FUT8: variants seen among roughly 807,000 people sequenced by gnomAD.
FUT8 encodes the protein fucosyltransferase 8, also known as alpha-(1,6)-fucosyltransferase.
FUT8 carries 29 observed loss-of-function variants against 71.3 expected under a neutral mutation model. The observed-to-expected ratio is 0.41, with a 90% CI of 0.30 to 0.55. The LOEUF is 0.55. Among genes scored for constraint, FUT8 ranks in the 20% least tolerant of loss-of-function variants. The pLI is 0.34. For synonymous variants in FUT8, 254 were observed against 239.3 expected, an observed-to-expected ratio of 1.06 and a Z score of -0.57; for missense variants, 544 against 702.1, an observed-to-expected ratio of 0.77 and a Z score of 2.55.
intron 7 of FUT8, among the ~76,000 whole-genome samples, chr14:65,697,776 G>A (rs1248376692): frequency 6.6e-6 from 1 of 152,082 alleles, no homozygotes; most frequent in Non-Finnish European, 1.5e-5. Context: ...GAATTCGAGA[G>A]CATCCTGGCT....
At chr14:65,403,812 T>C in the FUT8 span, among the ~76,000 whole-genome samples, 1 of 152,064 alleles carries the variant, frequency 6.6e-6, no homozygotes, top group East Asian at 1.9e-4. Context: ...GATTGTCTAT[T>C]TTTGGATTTT....
chr14:65,640,149 A>G (rs978332061), intron 6 of FUT8, among the ~76,000 whole-genome samples: 3 of 152,110 alleles, frequency 2.0e-5, no homozygotes, highest in Admixed American at 6.5e-5. Context: ...CAATAAAGAA[A>G]TAAATACAAG....
rs75540562 is a variant in FUT8 at position 65,463,303 on chromosome 14, A to G, written c.-228+7585A>G. ...TTTTTTTGAGACAGGGCCTCACTCT[A>G]TTGCCCAGGCTGGAGTGCACTGGCG... On this transcript the variant is annotated intron_variant, in intron 2 of 10. Transcript: ENST00000673929. Among the ~76,000 whole-genome samples the G allele has an allele frequency of 5.3e-3, 814 of 152,194 alleles. 7 individuals carry two copies. The highest frequency in any genetic ancestry group is 0.018 in the African/African-American group (751 of 41,512).
chr14:65,380,938 A>G, the FUT8 span, among the ~76,000 whole-genome samples: 1 of 152,216 alleles, frequency 6.6e-6, no homozygotes, highest in African/African-American at 2.4e-5. Context: ...CAAAGATAAT[A>G]ATAGGAGGGT....
chr14:65,656,823 A>T (rs141912741), intron 6 of FUT8, among the ~76,000 whole-genome samples: 2 of 152,332 alleles, frequency 1.3e-5, no homozygotes, highest in East Asian at 3.9e-4. Flanking sequence ...AGACCAATGG[A>T]ACAGGTGGAG....
chr14:65,417,893 A>G lies in FUT8; in HGVS notation c.-326+4679A>G, dbSNP rs117666324. On this transcript the variant is annotated intron_variant, in intron 1 of 10. Coordinates refer to ENST00000673929, the MANE Select transcript of FUT8 (RefSeq NM_001371533.1). ...CTCACTGTATTTGTTGTATTTTATA[A>G]CTTGGGTTTTTAAAATTTATTTTTC... 2.1e-4 allele frequency among the ~76,000 whole-genome samples: 32 copies of G among 152,300 alleles called. 1 individual carries two copies. The East Asian group carries it at 6.2e-3, about 29-fold the overall frequency.
At chr14:65,656,909 A>G (rs1442769867) in intron 6 of FUT8, among the ~76,000 whole-genome samples, 3 of 152,202 alleles carry the variant, frequency 2.0e-5, no homozygotes, top group African/African-American at 7.2e-5. Flanking sequence ...GGGAAAGGAA[A>G]GTCTCTTCAA....
chr14:65,691,580 G>A (rs1468317462), intron 7 of FUT8, among the ~76,000 whole-genome samples: 2 of 152,042 alleles, frequency 1.3e-5, no homozygotes, highest in African/African-American at 4.8e-5. Context: ...AATTCCAATT[G>A]GTCATAGTGT....
intron 6 of FUT8, among the ~76,000 whole-genome samples, chr14:65,630,657 AC>A (rs889063423): frequency 2.0e-5 from 3 of 152,166 alleles, no homozygotes; most frequent in Non-Finnish European, 2.9e-5. Flanking sequence ...AAGTGAAGAG[AC>A]AAATTTGAGA....
chr14:65,497,838 T>G (rs1294619757), intron 2 of FUT8, among the ~76,000 whole-genome samples: 1 of 152,114 alleles, frequency 6.6e-6, no homozygotes, highest in Non-Finnish European at 1.5e-5. Flanking sequence ...TATGTCATAT[T>G]TTACTCAGTT....
chr14:65,475,451 G>A (rs1415351940), intron 2 of FUT8, among the ~76,000 whole-genome samples: 1 of 152,070 alleles, frequency 6.6e-6, no homozygotes, highest in Non-Finnish European at 1.5e-5. Flanking sequence ...CTTAGTTGCT[G>A]CATAACATTA....
the FUT8 span, among the ~76,000 whole-genome samples, chr14:65,395,801 A>C: frequency 2.6e-5 from 4 of 152,382 alleles, no homozygotes; most frequent in East Asian, 7.7e-4. Flanking sequence ...TCTCCCCAGA[A>C]AATGGGTTTT....
chr14:65,484,008 T>C (rs2066371469), intron 2 of FUT8, among the ~76,000 whole-genome samples: 1 of 152,232 alleles, frequency 6.6e-6, no homozygotes, highest in Non-Finnish European at 1.5e-5. Flanking sequence ...ATTAAAGGCG[T>C]GAGCCACCAC....
chr14:65,648,862 T>C (rs1407226492), intron 6 of FUT8, among the ~76,000 whole-genome samples: 3 of 152,202 alleles, frequency 2.0e-5, no homozygotes, highest in Admixed American at 6.5e-5. Flanking sequence ...GCTATTATGG[T>C]CATGCTATCA....
Position 65,652,621 on chromosome 14 carries a change from G to A in FUT8, c.598-16622G>A, listed in dbSNP as rs1158007740. Among the ~76,000 whole-genome samples the A allele has an allele frequency of 3.3e-5, 5 of 152,038 alleles. No homozygotes were observed. The highest frequency in any genetic ancestry group is 1.9e-4 in the East Asian group (1 of 5,180). On this transcript the variant is annotated intron_variant, in intron 6 of 10. Coordinates refer to ENST00000673929, the MANE Select transcript of FUT8 (RefSeq NM_001371533.1). The surrounding 1 kb of genome is among the most constrained non-coding windows in gnomAD (Gnocchi z 4.0). Reference sequence around the variant, plus strand: ...CTGATTTTCTTATTAGGTAAACAACGTGTTCTTAGTGCTTAAGCACTTTTT... The same window carrying A: ...CTGATTTTCTTATTAGGTAAACAACATGTTCTTAGTGCTTAAGCACTTTTT...
chr14:65,661,946 A>G (rs945497834), intron 6 of FUT8, among the ~76,000 whole-genome samples: 1 of 152,194 alleles, frequency 6.6e-6, no homozygotes, highest in Non-Finnish European at 1.5e-5. Flanking sequence ...ATTTATTTCT[A>G]AGGACTGCTG....
At chr14:65,494,426 A>T (rs1281836651) in intron 2 of FUT8, among the ~76,000 whole-genome samples, 2 of 152,118 alleles carry the variant, frequency 1.3e-5, no homozygotes, top group Non-Finnish European at 2.9e-5. Context: ...GAAAAGGTTT[A>T]TTGTAGTTGC....
In FUT8 at chr14:65,530,232, C is replaced by T. The variant is rs60470427; in HGVS notation, c.-227-31105C>T. Among the ~76,000 whole-genome samples, 1,204 of 152,156 alleles carry T rather than the reference C, an allele frequency of 7.9e-3. 9 individuals carry two copies. Among genetic ancestry groups the T allele is most frequent in the African/African-American group, 0.024 (1,006 of 41,510 alleles). ...CTAGATTCTATTAGGGTTTCACCTC[C>T]TACATACTACAGTCCCAAAAGTGCT... On this transcript the variant is annotated intron_variant, in intron 2 of 10. Transcript: ENST00000673929.
At chr14:65,563,132 G>T (rs1886004516) in intron 3 of FUT8, among the ~76,000 whole-genome samples, 1 of 152,068 alleles carries the variant, frequency 6.6e-6, no homozygotes, top group African/African-American at 2.4e-5. Flanking sequence ...AAAGTGGACA[G>T]AACTTCTTGA....
Sources: allele counts gnomAD v4.1 joint callset (sites outside exome capture counted in the v4.1 genomes callset), GRCh38; gene constraint gnomAD v4.1.1; non-coding constraint Gnocchi (gnomAD v3.1); transcripts MANE v1.5; gene names NCBI Gene and HGNC (gene_info 2026-07-23, HGNC 2026-07-21).